Variants in FER1L6 observed in about 807,000 individuals in gnomAD.
FER1L6 encodes the protein fer-1-like protein 6.
FER1L6 carries 177 observed loss-of-function variants against 219.2 expected under a neutral mutation model. The observed-to-expected ratio is 0.81, with a 90% CI of 0.71 to 0.91. FER1L6 has a LOEUF of 0.91. Ranked by LOEUF, FER1L6 falls within the 40% of genes least tolerant of loss-of-function variation. FER1L6 has a pLI of 0.00. For missense variants in FER1L6, 2,153 were observed against 2,259.9 expected, an observed-to-expected ratio of 0.95 and a Z score of 0.96; for synonymous variants, 768 against 824.3, an observed-to-expected ratio of 0.93 and a Z score of 1.17.
chr8:123,886,151 T>C (rs1167213426), intron 1 of FER1L6, among the ~76,000 whole-genome samples: 4 of 152,214 alleles, frequency 2.6e-5, no homozygotes, highest in Non-Finnish European at 4.4e-5. Flanking sequence ...ATAAGTCTTC[T>C]CCAGTAATCC....
intron 1 of FER1L6, among the ~76,000 whole-genome samples, chr8:123,931,146 G>C (rs1440306616): frequency 6.6e-6 from 1 of 152,188 alleles, no homozygotes; most frequent in Non-Finnish European, 1.5e-5. Flanking sequence ...ATTTTCCGCA[G>C]TATCTCTTAT....
In FER1L6 at chr8:124,010,580, A is replaced by C. The variant is rs1368476838; in HGVS notation, c.1701-14A>C. ...TGATTACCAGCTAACTTCCAGACCT[A>C]ATTGTTTTCACAGGAATTACAACTA... On this transcript the variant is annotated splice_polypyrimidine_tract_variant and intron_variant, in intron 13 of 40. Coordinates refer to ENST00000522917, the MANE Select transcript of FER1L6 (RefSeq NM_001039112.2). 1.9e-6 allele frequency: 3 copies of C among 1,613,170 alleles called. No homozygotes were observed. Among genetic ancestry groups the C allele is most frequent in the East Asian group, 4.5e-5 (2 of 44,856 alleles).
intron 13 of FER1L6, among the ~76,000 whole-genome samples, chr8:124,005,305 A>G (rs1817607876): frequency 1.3e-5 from 2 of 152,214 alleles, no homozygotes; most frequent in Non-Finnish European, 2.9e-5. Context: ...GCCGTAGCTT[A>G]TGGATTTGAT....
intron 1 of FER1L6, among the ~76,000 whole-genome samples, chr8:123,888,819 T>G (rs1817251392): frequency 6.6e-6 from 1 of 152,208 alleles, no homozygotes; most frequent in African/African-American, 2.4e-5. Context: ...TGTATATACA[T>G]GTCTAGATGC....
At chr8:124,084,473 G>T (rs1022140287) in intron 33 of FER1L6, among the ~76,000 whole-genome samples, 1 of 151,962 alleles carries the variant, frequency 6.6e-6, no homozygotes, top group African/African-American at 2.4e-5. Flanking sequence ...AATTATGAAG[G>T]AATATTGAAT....
At chr8:123,910,348 T>C (rs1258515861) in intron 1 of FER1L6, among the ~76,000 whole-genome samples, 2 of 152,314 alleles carry the variant, frequency 1.3e-5, no homozygotes, top group East Asian at 3.9e-4. Context: ...AGCAACATGA[T>C]AGACCACCAG....
intron 39 of FER1L6, among the ~76,000 whole-genome samples, chr8:124,112,850 G>A (rs1326266508): frequency 1.3e-5 from 2 of 152,136 alleles, no homozygotes; most frequent in East Asian, 3.8e-4. Flanking sequence ...GCAGACAAGG[G>A]AGATATTTTT....
intron 22 of FER1L6, among the ~76,000 whole-genome samples, chr8:124,051,965 T>C (rs1233597446): frequency 6.6e-6 from 1 of 152,148 alleles, no homozygotes; most frequent in Non-Finnish European, 1.5e-5. Context: ...GTGAGAGTTC[T>C]TGGGGGAATG....
At chr8:124,106,603 C>T (rs2131005144) in intron 39 of FER1L6, among the ~76,000 whole-genome samples, 1 of 152,192 alleles carries the variant, frequency 6.6e-6, no homozygotes, top group Admixed American at 6.5e-5. Context: ...ATTGCCTTAG[C>T]CCCTTTCTCT....
At chr8:123,933,647 G>C (rs1467292614) in intron 1 of FER1L6, among the ~76,000 whole-genome samples, 1 of 152,138 alleles carries the variant, frequency 6.6e-6, no homozygotes, top group East Asian at 1.9e-4. Context: ...TTCTTATTGA[G>C]CAACATGAGG....
intron 1 of FER1L6, among the ~76,000 whole-genome samples, chr8:123,946,601 T>TGAA (rs1182106028): frequency 1.3e-5 from 2 of 152,172 alleles, no homozygotes; most frequent in African/African-American, 4.8e-5. Context: ...AAAACTTAAG[T>TGAA]TTATTCACAT....
chr8:124,054,943 G>A (rs1442952399), intron 22 of FER1L6, among the ~76,000 whole-genome samples: 1 of 152,184 alleles, frequency 6.6e-6, no homozygotes, highest in Non-Finnish European at 1.5e-5. Context: ...AAGCAGAAAG[G>A]CCCGTTGGGA....
intron 1 of FER1L6, among the ~76,000 whole-genome samples, chr8:123,951,919 T>C (rs1430087172): frequency 1.3e-5 from 2 of 152,078 alleles, no homozygotes; most frequent in Non-Finnish European, 2.9e-5. Context: ...AGTAACTTAG[T>C]GTTTGGCCAT....
At position 124,092,148 on chromosome 8, in the gene FER1L6, AAC is replaced by A. The variant is rs201915891; in HGVS notation, c.4552+569_4552+570del. On this transcript the variant is annotated intron_variant, in intron 34 of 40. Transcript: ENST00000522917. ...TCACATTTTTACAGAATTATAAATAAACACAGAGTTTTGTGCCCAGCTTTTAA... is the reference window on the plus strand; with the variant it reads ...TCACATTTTTACAGAATTATAAATAAACAGAGTTTTGTGCCCAGCTTTTAA... 6.5e-3 allele frequency among the ~76,000 whole-genome samples: 985 copies of A among 152,258 alleles called. 4 individuals carry two copies. The highest frequency in any genetic ancestry group is 1.0e-2 in the Non-Finnish European group (677 of 68,012).
At chr8:124,073,750 C>G (rs1433202822) in intron 31 of FER1L6, among the ~76,000 whole-genome samples, 2 of 152,070 alleles carry the variant, frequency 1.3e-5, no homozygotes, top group African/African-American at 4.8e-5. Flanking sequence ...TAAACAGTGC[C>G]ATTGCTCTCA....
chr8:124,114,851 TAC>T (rs1350615253), intron 39 of FER1L6, among the ~76,000 whole-genome samples: 1 of 147,618 alleles, frequency 6.8e-6, no homozygotes, highest in African/African-American at 2.5e-5. Flanking sequence ...TAACTATATA[TAC>T]ACTTAAATAC....
At chr8:124,005,097 A>G (rs184064617) in intron 13 of FER1L6, among the ~76,000 whole-genome samples, 1 of 152,248 alleles carries the variant, frequency 6.6e-6, no homozygotes. Context: ...TTTCTCATAT[A>G]TAGATATACA....
At chr8:124,002,794 T>C (rs1452064512) in intron 12 of FER1L6, among the ~76,000 whole-genome samples, 1 of 149,958 alleles carries the variant, frequency 6.7e-6, no homozygotes, top group Non-Finnish European at 1.5e-5. Context: ...AAAGGCAGGT[T>C]ACAAAATGAC....
chr8:123,865,627 A>T (rs1816822565), intron 1 of FER1L6, among the ~76,000 whole-genome samples: 1 of 151,236 alleles, frequency 6.6e-6, no homozygotes, highest in African/African-American at 2.5e-5. Context: ...GCTAGCAATC[A>T]GCGAGATTCC....
Sources: gnomAD v4.1 joint callset for allele counts (sites outside exome capture counted in the v4.1 genomes callset) on GRCh38, gnomAD v4.1.1 for gene constraint, MANE v1.5 for transcripts, NCBI Gene and HGNC (gene_info 2026-07-23, HGNC 2026-07-21) for gene names.